HGF: variants seen among roughly 807,000 people sequenced by gnomAD.
HGF encodes fibroblast-derived tumor cytotoxic factor.
HGF carries 39 observed loss-of-function variants against 111.6 expected under a neutral mutation model. That is an observed-to-expected ratio of 0.35 (90% CI 0.27 to 0.46). The LOEUF (loss-of-function observed/expected upper bound fraction) is 0.46. HGF is among the 20% of genes least tolerant of loss of function. The pLI is 1.00. For synonymous variants in HGF, 285 were observed against 294.8 expected (o/e 0.97, Z 0.34); for missense variants, 735 against 910.5 (o/e 0.81, Z 2.48).
intron 2 of HGF, among the ~76,000 whole-genome samples, chr7:81,761,660 G>A (rs915578580): frequency 2.0e-5 from 3 of 151,964 alleles, no homozygotes; most frequent in African/African-American, 4.8e-5. Context: ...TTTAGGAGAC[G>A]ATTCGAATGA....
intron 11 of HGF, among the ~76,000 whole-genome samples, chr7:81,713,402 T>C (rs977704447): frequency 6.6e-5 from 10 of 151,966 alleles, no homozygotes; most frequent in African/African-American, 2.4e-4. Flanking sequence ...GGCAGACACC[T>C]GTAATCCCAG....
chr7:81,763,444 T>C (rs78369174), intron 1 of HGF, among the ~76,000 whole-genome samples: 9 of 152,314 alleles, frequency 5.9e-5, no homozygotes, highest in Non-Finnish European at 1.3e-4. Flanking sequence ...TTGGACACTA[T>C]TTCTTGGTAT....
chr7:81,726,375 A>G (rs908961487), intron 8 of HGF, among the ~76,000 whole-genome samples: 3 of 152,166 alleles, frequency 2.0e-5, no homozygotes, highest in African/African-American at 7.2e-5. Context: ...TATTTATTAC[A>G]TGTTCATGGC....
At chr7:81,723,278 T>G (rs1789921434) in intron 9 of HGF, among the ~76,000 whole-genome samples, 1 of 152,154 alleles carries the variant, frequency 6.6e-6, no homozygotes, top group African/African-American at 2.4e-5. Flanking sequence ...AAGAGGACAC[T>G]TCTCTGAATT....
chr7:81,757,329 T>C, intron 3 of HGF, 26 bp from the exon 4 acceptor site: 3 of 1,219,224 alleles, frequency 2.5e-6, no homozygotes, highest in African/African-American at 1.5e-5. Flanking sequence ...GATAAAATTA[T>C]TGCAACTATG....
intron 12 of HGF, 85 bp downstream of exon 12, chr7:81,711,396 A>C: frequency 1.5e-6 from 1 of 676,598 alleles, no homozygotes. Flanking sequence ...GCTAATATAG[A>C]TAATTTTCTT....
chr7:81,711,553 T>A, intron 11 of HGF, 34 bp from the exon 12 acceptor site: 1 of 925,854 alleles, frequency 1.1e-6, no homozygotes. Context: ...AATACACAAT[T>A]CATATATGCA....
At chr7:81,766,712 G>A (rs1170144417) in intron 1 of HGF, among the ~76,000 whole-genome samples, 2 of 152,078 alleles carry the variant, frequency 1.3e-5, no homozygotes, top group Non-Finnish European at 2.9e-5. Context: ...TCTTATTTAA[G>A]GTTTCATTCT....
chr7:81,720,950 A>G (rs1384416793), intron 9 of HGF, 103 bp from the exon 10 acceptor site: 6 of 724,550 alleles, frequency 8.3e-6, no homozygotes, highest in African/African-American at 1.8e-5. Context: ...CATAAAAATT[A>G]AAGTACTTGA....
Position 81,705,458 on chromosome 7 carries a change from C to T in HGF, c.1942G>A (p.Gly648Arg), listed in dbSNP as rs150109563. 8.7e-6 allele frequency: 14 copies of T among 1,612,634 alleles called. No homozygotes were observed. The highest frequency in any genetic ancestry group is 2.7e-5 in the African/African-American group (2 of 74,794). The change falls in exon 17 of 18, where the codon GGG (glycine) becomes AGG (arginine). Residue 648 changes from glycine (G) to arginine (R), a missense_variant. Physicochemically the swap from Gly to Arg is moderately radical, Grantham distance 125 (BLOSUM62 -2). Transcript: ENST00000222390. ...GNEKCSQHHR[G>R]KVTLNESEIC... ...TCAGACTCATTCAGAGTCACCTTCC[C>T]TCGATGATGCTGGCTGCATTTCTCA...
intron 9 of HGF, among the ~76,000 whole-genome samples, chr7:81,723,581 A>G (rs1789929133): frequency 6.6e-6 from 1 of 151,150 alleles, no homozygotes; most frequent in Non-Finnish European, 1.5e-5. Flanking sequence ...TATAGTATAT[A>G]TAATATGTAG....
intron 6 of HGF, among the ~76,000 whole-genome samples, chr7:81,743,907 G>A (rs955650176): frequency 2.6e-5 from 4 of 152,074 alleles, no homozygotes; most frequent in Non-Finnish European, 5.9e-5. Flanking sequence ...AGAGCCCTTC[G>A]AGGTCATGCC....
chr7:81,752,506 T>C (rs897043481), intron 4 of HGF, among the ~76,000 whole-genome samples: 2 of 152,104 alleles, frequency 1.3e-5, no homozygotes, highest in African/African-American at 2.4e-5. Context: ...GCCTGTGAAT[T>C]TGCTGAGTCA....
intron 5 of HGF, chr7:81,751,636 A>G: frequency 1.0e-6 from 1 of 996,900 alleles, no homozygotes. Flanking sequence ...CATGGGGTCA[A>G]GCTTCCAGTG....
intron 6 of HGF, among the ~76,000 whole-genome samples, chr7:81,744,534 G>A (rs987834317): frequency 6.6e-6 from 1 of 152,192 alleles, no homozygotes; most frequent in African/African-American, 2.4e-5. Flanking sequence ...AGTCTCTGAA[G>A]ATGCTGCTCC....
intron 3 of HGF, among the ~76,000 whole-genome samples, chr7:81,757,769 G>C (rs553516551): frequency 1.3e-5 from 2 of 151,802 alleles, no homozygotes; most frequent in African/African-American, 4.8e-5. Context: ...TTGCTTATTA[G>C]TTTCCATATT....
chr7:81,714,979 C>T (rs979513633), intron 11 of HGF, among the ~76,000 whole-genome samples: 1 of 151,712 alleles, frequency 6.6e-6, no homozygotes, highest in Non-Finnish European at 1.5e-5. Context: ...TACTAGTAAC[C>T]CCCTCAAGTC....
At chr7:81,749,231 A>C (rs1304265735) in intron 5 of HGF, among the ~76,000 whole-genome samples, 1 of 152,090 alleles carries the variant, frequency 6.6e-6, no homozygotes, top group Non-Finnish European at 1.5e-5. Context: ...TTTTAAATGT[A>C]TTGTATTTTT....
intron 7 of HGF, among the ~76,000 whole-genome samples, chr7:81,736,892 G>GT (rs1554369019): frequency 8.0e-5 from 3 of 37,652 alleles, no homozygotes; most frequent in African/African-American, 4.1e-4. Context: ...TATGTGTAGA[G>GT]GGGTGTGTGT....
Sources: gnomAD v4.1 joint callset for allele counts (sites outside exome capture counted in the v4.1 genomes callset) on GRCh38, gnomAD v4.1.1 for gene constraint, MANE v1.5 for transcripts, NCBI Gene and HGNC (gene_info 2026-07-23, HGNC 2026-07-21) for gene names.